ERN1: variants seen among roughly 807,000 people sequenced by gnomAD.
ERN1 encodes endoplasmic reticulum to nucleus signaling 1, also known as serine/threonine-protein kinase/endoribonuclease IRE1.
ERN1 carries 39 observed loss-of-function variants against 113.1 expected under a neutral mutation model. The observed-to-expected ratio is 0.34, with a 90% CI of 0.27 to 0.45. The LOEUF (loss-of-function observed/expected upper bound fraction) is 0.45. Ranked by LOEUF, ERN1 falls within the 20% of genes least tolerant of loss-of-function variation. The pLI, the probability that ERN1 is intolerant of heterozygous loss-of-function variation, is 1.00. For synonymous variants in ERN1, 507 were observed against 515.9 expected, an observed-to-expected ratio of 0.98 and a Z score of 0.23; for missense variants, 976 against 1,274.8, an observed-to-expected ratio of 0.77 and a Z score of 3.57.
intron 15 of ERN1, among the ~76,000 whole-genome samples, chr17:64,053,601 A>G (rs1392220496): frequency 1.3e-5 from 2 of 152,242 alleles, no homozygotes; most frequent in African/African-American, 4.8e-5. Context: ...TAAACCTACA[A>G]AGGAATCCAA....
At chr17:64,115,470 A>C (rs916626712) in intron 1 of ERN1, among the ~76,000 whole-genome samples, 2 of 152,190 alleles carry the variant, frequency 1.3e-5, no homozygotes, top group Admixed American at 1.3e-4. Context: ...TGCAGAAAAA[A>C]AGACGGCAAG....
intron 1 of ERN1, among the ~76,000 whole-genome samples, chr17:64,106,465 T>C (rs578029725): frequency 6.6e-6 from 1 of 152,290 alleles, no homozygotes; most frequent in African/African-American, 2.4e-5. Context: ...CACAGGGGAA[T>C]GTGCCTATGC....
At chr17:64,097,060 AC>A (rs1373958777) in intron 2 of ERN1, among the ~76,000 whole-genome samples, 1 of 152,230 alleles carries the variant, frequency 6.6e-6, no homozygotes, top group Admixed American at 6.5e-5. Flanking sequence ...TGATGGAGAT[AC>A]AGTACAGATG....
intron 18 of ERN1, among the ~76,000 whole-genome samples, chr17:64,048,298 C>T (rs1275670252): frequency 2.0e-5 from 3 of 152,084 alleles, no homozygotes; most frequent in Admixed American, 6.6e-5. Flanking sequence ...GAGAGAGATT[C>T]AAGGTGACGC....
Position 64,066,688 on chromosome 17 carries a change from C to A in ERN1, c.825G>T (p.Glu275Asp). 2 of 1,613,968 alleles carry A rather than the reference C, an allele frequency of 1.2e-6. No individual in the cohort carries two copies. The stretch of plus-strand genomic sequence containing the variant: ...CAACTCACGTCAGCTTGCTCTTGGC[C>A]TCTGTCTCCTTGGGGAACGGGTACT... ...KWKYPFPKET[E>D]AKSKLTPTLY... The change falls in exon 8 of 22, where the codon GAG (glutamate) becomes GAT (aspartate). Residue 275 changes from glutamate to aspartate, a missense_variant. Glu to Asp is a conservative substitution (Grantham distance 45). Transcript: ENST00000433197.
intron 12 of ERN1, 102 bp downstream of exon 12, chr17:64,057,700 G>T (rs1912917268): frequency 7.0e-6 from 8 of 1,138,570 alleles, no homozygotes; most frequent in Non-Finnish European, 1.0e-5. Context: ...AATGGGGAAA[G>T]AAATGTGCTG....
intron 2 of ERN1, among the ~76,000 whole-genome samples, chr17:64,086,291 A>G (rs955596559): frequency 3.3e-5 from 5 of 152,164 alleles, no homozygotes; most frequent in African/African-American, 4.8e-5. Context: ...ATCCCTTTGG[A>G]TTCAGTATTT....
chr17:64,043,647 T>C lies in ERN1; in HGVS notation c.*341A>G, dbSNP rs184483325. ...CTCCTCTCCCTTCCTGAAAGGCCTG[T>C]AGACTGACATTAAGCAGGAATTTAA... On this transcript the variant is annotated 3_prime_UTR_variant, in exon 22 of 22. Coordinates refer to ENST00000433197, the MANE Select transcript of ERN1 (RefSeq NM_001433.5). 6.6e-4 allele frequency: 137 copies of C among 207,144 alleles called. 1 individual carries two copies. Among genetic ancestry groups the C allele is most frequent in the African/African-American group, 2.9e-3 (125 of 43,786 alleles). The allele number at this position is 207,144 out of a possible 1,614,324, so 12.8% of individuals were successfully genotyped here.
intron 1 of ERN1, among the ~76,000 whole-genome samples, chr17:64,102,188 A>G (rs1914403321): frequency 6.6e-6 from 1 of 152,188 alleles, no homozygotes; most frequent in Non-Finnish European, 1.5e-5. Flanking sequence ...TGGGAGGCTG[A>G]AGCAGGAGAA....
chr17:64,090,786 G>A (rs546467396), intron 2 of ERN1, among the ~76,000 whole-genome samples: 1 of 152,318 alleles, frequency 6.6e-6, no homozygotes, highest in Non-Finnish European at 1.5e-5. Context: ...GTGAGTGGGG[G>A]TGCAGGTGAA....
rs1281578639 is a variant in ERN1 at position 64,072,603 on chromosome 17, G to GTTAACCAAC, written c.356-501_356-500insGTTGGTTAA. Among the ~76,000 whole-genome samples, 5 of 152,350 alleles carry GTTAACCAAC rather than the reference G, an allele frequency of 3.3e-5. No individual in the cohort carries two copies. The East Asian group carries it at 9.6e-4, about 29-fold the overall frequency. On this transcript the variant is annotated intron_variant, in intron 5 of 21. Coordinates refer to ENST00000433197, the MANE Select transcript of ERN1 (RefSeq NM_001433.5). ...TATAATTAACTAGTACCTGGGACTG[G>GTTAACCAAC]TCAGTGGAGTTGGTTGCAACCTGAT...
At chr17:64,067,328 G>A (rs1913260811) in intron 7 of ERN1, among the ~76,000 whole-genome samples, 1 of 150,238 alleles carries the variant, frequency 6.7e-6, no homozygotes, top group African/African-American at 2.5e-5. Flanking sequence ...GGTGGCTCAT[G>A]TCTATAAGCC....
intron 1 of ERN1, among the ~76,000 whole-genome samples, chr17:64,125,419 A>C (rs1011815671): frequency 1.3e-5 from 2 of 152,172 alleles, no homozygotes; most frequent in Admixed American, 1.3e-4. Context: ...GCTTATTACC[A>C]CATCAACCCT....
intron 19 of ERN1, among the ~76,000 whole-genome samples, chr17:64,045,906 G>A (rs144962666): frequency 1.3e-5 from 2 of 152,302 alleles, no homozygotes; most frequent in Non-Finnish European, 2.9e-5. Flanking sequence ...CATAACTGGT[G>A]GAGGGTCGCC....
At position 64,098,534 on chromosome 17, in the gene ERN1, G is replaced by A. The variant is rs781629702; in HGVS notation, c.55-293C>T. 3 of 609,742 alleles carry A rather than the reference G, an allele frequency of 4.9e-6. No individual in the cohort carries two copies. The African/African-American group carries it at 5.4e-5, about 11-fold the overall frequency. The allele number at this position is 609,742 out of a possible 1,614,324, so 37.8% of individuals were successfully genotyped here. A position where few individuals can be genotyped will look rare whatever the true frequency, so the allele number is the denominator to read the frequency against. On this transcript the variant is annotated intron_variant, in intron 1 of 21. Transcript: ENST00000433197. The stretch of plus-strand genomic sequence containing the variant: ...CCACTGAAACAGAGGGGCAAAGTAT[G>A]CTCAGCTTTCTGACTTCCTTCTCTT...
intron 20 of ERN1, 25 bp downstream of exon 20, chr17:64,045,334 C>T: frequency 1.2e-6 from 2 of 1,613,584 alleles, no homozygotes; most frequent in East Asian, 2.2e-5. Context: ...GCAACCTGCC[C>T]TCTCACACGC....
intron 11 of ERN1, among the ~76,000 whole-genome samples, chr17:64,059,829 T>G (rs1045063725): frequency 3.4e-5 from 5 of 148,230 alleles, no homozygotes; most frequent in Non-Finnish European, 7.4e-5. Flanking sequence ...AAACTTCAGA[T>G]CTCATCACTT....
chr17:64,129,862 G>T, intron 1 of ERN1, 114 bp downstream of exon 1: 1 of 1,030,540 alleles, frequency 9.7e-7, no homozygotes, highest in South Asian at 2.9e-5. Flanking sequence ...CGGGGCATCT[G>T]GCCGCCGCCG....
intron 19 of ERN1, 63 bp from the exon 20 acceptor site, chr17:64,045,545 T>C: frequency 6.2e-7 from 1 of 1,606,688 alleles, no homozygotes; most frequent in African/African-American, 1.3e-5. Context: ...GCTGTGCGAC[T>C]GGGACTCAGT....
Sources: gnomAD v4.1 joint callset for allele counts (sites outside exome capture counted in the v4.1 genomes callset) on GRCh38, gnomAD v4.1.1 for gene constraint, MANE v1.5 for transcripts, NCBI Gene and HGNC (gene_info 2026-07-23, HGNC 2026-07-21) for gene names.